Variants in STARD9 observed in about 807,000 individuals in gnomAD.
STARD9 encodes stAR-related lipid transfer protein 9.
Under a neutral mutation model 399.8 loss-of-function variants are expected in STARD9, and 346 were observed. The observed-to-expected ratio is 0.87, with a 90% CI of 0.79 to 0.95. The LOEUF is 0.95. STARD9 is among the 40% of genes least tolerant of loss of function. The pLI is 0.00. For synonymous variants in STARD9, 2,203 were observed against 2,143.5 expected (o/e 1.03, Z -0.77); for missense variants, 5,832 against 5,667.5 (o/e 1.03, Z -0.93).
At position 42,689,544 on chromosome 15, in the gene STARD9, G is replaced by A; in HGVS notation, c.7966G>A (p.Asp2656Asn). Reference protein sequence around the residue: ...SFESLPNTETDREPWDPVQAF... With the variant: ...SFESLPNTETNREPWDPVQAF... ...TGAATCTCTGCCCAATACGGAAACTGACAGAGAGCCATGGGATCCTGTGCA... is the reference window on the plus strand; with the variant it reads ...TGAATCTCTGCCCAATACGGAAACTAACAGAGAGCCATGGGATCCTGTGCA... The change falls in exon 23 of 33, where the codon GAC (aspartate) becomes AAC (asparagine). Residue 2656 changes from aspartate (D) to asparagine (N), a missense_variant. Physicochemically the swap from Asp to Asn is conservative, Grantham distance 23. Coordinates refer to ENST00000290607, the MANE Select transcript of STARD9 (RefSeq NM_020759.3). 1 of 1,537,292 alleles carries A rather than the reference G, an allele frequency of 6.5e-7. No homozygotes were observed. The highest frequency in any genetic ancestry group is 8.7e-7 in the Non-Finnish European group (1 of 1,146,932).
chr15:42,716,690 T>G lies in STARD9; in HGVS notation c.13298T>G (p.Leu4433Trp), dbSNP rs1448876086. 5 of 1,535,958 alleles carry G rather than the reference T, an allele frequency of 3.3e-6. No individual in the cohort carries two copies. Among genetic ancestry groups the G allele is most frequent in the Admixed American group, 2.0e-5 (1 of 50,962 alleles). The change falls in exon 27 of 33, where the codon TTG becomes TGG. Residue 4433 changes from leucine (L) to tryptophan (W), a missense_variant. By Grantham distance (61) the Leu-to-Trp change is moderately conservative. Coordinates refer to ENST00000290607, the MANE Select transcript of STARD9 (RefSeq NM_020759.3). ...QFPENMGHTN[L>W]PDSRDVWIGD... is the part of the protein sequence containing the mutation. ...TCTCTTCTGCAGGGGCATACAAACT[T>G]GCCTGATTCCAGGGATGTATGGATA...
chr15:42,691,001 A>T lies in STARD9; in HGVS notation c.9423A>T (p.Pro3141=). The T allele has an allele frequency of 6.5e-7, 1 of 1,537,264 alleles. No individual in the cohort carries two copies. The highest frequency in any genetic ancestry group is 8.7e-7 in the Non-Finnish European group (1 of 1,146,910). ...AACCACCTGCAACAACTCAGGGACC[A>T]CACACCCTGGATTTAAGTGAAGGGT... ...NPEPPATTQG[P]HTLDLSEGSA... is the part of the protein sequence containing the mutation. The change falls in exon 23 of 33, where the codon CCA becomes CCT. Residue 3141 remains proline, a synonymous_variant. Coordinates refer to ENST00000290607, the MANE Select transcript of STARD9 (RefSeq NM_020759.3).
In STARD9 at chr15:42,688,424, G is replaced by A; in HGVS notation, c.6846G>A (p.Arg2282=). 1 of 1,537,660 alleles carries A rather than the reference G, an allele frequency of 6.5e-7. No individual in the cohort carries two copies. Among genetic ancestry groups the A allele is most frequent in the South Asian group, 1.2e-5 (1 of 84,056 alleles). ...AAGTTGAAGAAATGCCTATGCAAAG[G>A]GGAGGCAGCCTTCAGGAAGAAAATA... ...QGKVEEMPMQ[R]GGSLQEENKV... is the part of the protein sequence containing the mutation. Residue 2282 remains arginine, a synonymous_variant, in exon 23 of 33, where the codon AGG becomes AGA. Coordinates refer to ENST00000290607, the MANE Select transcript of STARD9 (RefSeq NM_020759.3).
At chr15:42,589,613 T>C (rs1465847361) in intron 3 of STARD9, among the ~76,000 whole-genome samples, 2 of 152,048 alleles carry the variant, frequency 1.3e-5, no homozygotes, top group African/African-American at 4.8e-5. Context: ...TCATCTTTTT[T>C]TTTTTTTTTT....
intron 3 of STARD9, among the ~76,000 whole-genome samples, chr15:42,596,073 CTT>C (rs932894683): frequency 4.6e-5 from 7 of 152,190 alleles, no homozygotes; most frequent in African/African-American, 1.7e-4. Flanking sequence ...CTAGAGAAAT[CTT>C]TTAAAATGCC....
intron 3 of STARD9, among the ~76,000 whole-genome samples, chr15:42,599,000 T>G (rs2058570955): frequency 6.6e-6 from 1 of 152,126 alleles, no homozygotes; most frequent in African/African-American, 2.4e-5. Flanking sequence ...CTCAGCTCAC[T>G]GCAACCTCCG....
intron 3 of STARD9, among the ~76,000 whole-genome samples, chr15:42,632,408 A>G (rs1193623960): frequency 6.6e-6 from 1 of 152,024 alleles, no homozygotes; most frequent in Non-Finnish European, 1.5e-5. Flanking sequence ...TTTTGATTGG[A>G]GAGTTTAGTC....
chr15:42,577,995 G>GT (rs963370059), intron 1 of STARD9, among the ~76,000 whole-genome samples: 3 of 152,174 alleles, frequency 2.0e-5, no homozygotes, highest in African/African-American at 7.2e-5. Flanking sequence ...TCTAAAAGTA[G>GT]TAAGAGCCAA....
chr15:42,593,222 C>T (rs1595595345), intron 3 of STARD9, among the ~76,000 whole-genome samples: 1 of 152,322 alleles, frequency 6.6e-6, no homozygotes, highest in Middle Eastern at 3.4e-3. Flanking sequence ...ATGATCCCTT[C>T]TGGGACCATC....
intron 13 of STARD9, among the ~76,000 whole-genome samples, chr15:42,664,652 C>T (rs572790721): frequency 6.6e-6 from 1 of 152,290 alleles, no homozygotes; most frequent in South Asian, 2.1e-4. Context: ...CAGGTGTGGG[C>T]CAAAGTGCCC....
intron 3 of STARD9, among the ~76,000 whole-genome samples, chr15:42,605,446 AAGAC>A (rs547583386): frequency 1.4e-3 from 208 of 152,318 alleles, no homozygotes; most frequent in African/African-American, 4.0e-3. Context: ...AAAATTATAA[AAGAC>A]AGAGCCCCTG....
In STARD9 at chr15:42,669,317, G is replaced by T. The variant is rs1488079121; in HGVS notation, c.1477G>T (p.Val493Phe). Reference protein sequence around the residue: ...ALEDDVLSTGVVLYHLKEGTT... With the variant: ...ALEDDVLSTGFVLYHLKEGTT... ...GGAGGATGATGTGCTCAGCACAGGTGTTGTGCTCTATCATCTCAAGGTGAG... is the reference window on the plus strand; with the variant it reads ...GGAGGATGATGTGCTCAGCACAGGTTTTGTGCTCTATCATCTCAAGGTGAG... The change falls in exon 16 of 33, where the codon GTT (valine) becomes TTT (phenylalanine). Residue 493 changes from valine to phenylalanine, a missense_variant. Physicochemically the swap from Val to Phe is conservative, Grantham distance 50. This residue lies in a region of STARD9 where 5,828 missense variants were observed against 5,651.1 expected (regional missense o/e 1.03). Transcript: ENST00000290607. 3 of 1,524,578 alleles carry T rather than the reference G, an allele frequency of 2.0e-6. No individual in the cohort carries two copies. The African/African-American group carries it at 4.1e-5, about 21-fold the overall frequency. 94.4% of individuals were successfully genotyped at this position (1,524,578 alleles called of 1,614,324 possible).
At chr15:42,656,957 G>T (rs578074913) in intron 9 of STARD9, among the ~76,000 whole-genome samples, 10 of 152,226 alleles carry the variant, frequency 6.6e-5, no homozygotes, top group African/African-American at 2.4e-4. Context: ...CACCACTAAA[G>T]AACTTATTCA....
intron 3 of STARD9, among the ~76,000 whole-genome samples, chr15:42,612,099 C>T (rs1175890266): frequency 6.6e-6 from 1 of 152,098 alleles, no homozygotes; most frequent in East Asian, 1.9e-4. Flanking sequence ...GCCTTAGCCT[C>T]CTGAAGTAGC....
At chr15:42,609,967 C>T (rs1023686232) in intron 3 of STARD9, among the ~76,000 whole-genome samples, 8 of 151,938 alleles carry the variant, frequency 5.3e-5, no homozygotes, top group South Asian at 2.1e-4. Flanking sequence ...GTGGTGGGCT[C>T]CTGTAATCCC....
Position 42,693,552 on chromosome 15 carries a change from CA to C in STARD9, c.11976del (p.Gln3992HisfsTer5). On this transcript the variant is annotated frameshift_variant, in exon 23 of 33. Transcript: ENST00000290607. LOFTEE classifies it high-confidence loss of function. ...PHSPQQSPKLQFSFLGQHPQQ... is the reference protein window; with the variant it reads ...PHSPQQSPKLXFSFLGQHPQQ... The stretch of plus-strand genomic sequence containing the variant: ...CAGCCCACAGCAGAGTCCAAAACTC[CA>C]ATTTAGTTTCTTAGGGCAGCACCCT... 1 of 1,537,224 alleles carries C rather than the reference CA, an allele frequency of 6.5e-7. No individual in the cohort carries two copies. Among genetic ancestry groups the C allele is most frequent in the Non-Finnish European group, 8.7e-7 (1 of 1,146,906 alleles).
intron 9 of STARD9, among the ~76,000 whole-genome samples, chr15:42,658,030 G>C (rs2059909534): frequency 6.6e-6 from 1 of 152,178 alleles, no homozygotes; most frequent in East Asian, 1.9e-4. Context: ...ACATAACTTA[G>C]GAGAACCTTT....
Position 42,695,766 on chromosome 15 carries a change from G to T in STARD9, c.13170G>T (p.Leu4390Phe). The T allele has an allele frequency of 6.5e-7, 1 of 1,537,196 alleles. No individual in the cohort carries two copies. Among genetic ancestry groups the T allele is most frequent in the Non-Finnish European group, 8.7e-7 (1 of 1,146,878 alleles). The change falls in exon 26 of 33, where the codon TTG becomes TTT. Residue 4390 changes from leucine (L) to phenylalanine (F), a missense_variant. Physicochemically the swap from Leu to Phe is conservative, Grantham distance 22 (BLOSUM62 0). Coordinates refer to ENST00000290607, the MANE Select transcript of STARD9 (RefSeq NM_020759.3). ...LLKEEDKLHT[L>F]ANSSSLCTSS... ...AGGAAGAGGATAAACTACATACCTT[G>T]GCCAATTCCAGCTCCCTGTGCACCA...
intron 3 of STARD9, among the ~76,000 whole-genome samples, chr15:42,619,214 A>G (rs1471039601): frequency 2.6e-5 from 4 of 152,312 alleles, no homozygotes; most frequent in East Asian, 1.9e-4. Flanking sequence ...GAACAACTCC[A>G]GGAATTCCCA....
Sources: gnomAD v4.1 joint callset for allele counts (sites outside exome capture counted in the v4.1 genomes callset) on GRCh38, gnomAD v4.1.1 for gene constraint, gnomAD v4.1.1 regional missense constraint, MANE v1.5 for transcripts, NCBI Gene and HGNC (gene_info 2026-07-23, HGNC 2026-07-21) for gene names.